The following NEGR1 variants were observed in gnomAD, a reference collection of about 807,000 sequenced individuals.
NEGR1 encodes neuronal growth regulator 1.
A neutral mutation model predicts 40.9 loss-of-function variants in NEGR1; 10 were observed. The ratio of observed to expected loss-of-function variants is 0.24; its 90% CI spans 0.15 to 0.42. The LOEUF is 0.42. Ranked by LOEUF, NEGR1 falls within the 10% of genes least tolerant of loss-of-function variation. NEGR1 has a pLI of 1.00. For missense variants in NEGR1, 352 were observed against 438.9 expected (o/e 0.80, Z 1.77); for synonymous variants, 185 against 166.8 (o/e 1.11, Z -0.84).
intron 3 of NEGR1, among the ~76,000 whole-genome samples, chr1:71,705,998 T>C (rs1008154079): frequency 1.3e-5 from 2 of 152,136 alleles, no homozygotes; most frequent in East Asian, 3.9e-4. Context: ...GAAAAACACT[T>C]TCATAAGAAC....
intron 1 of NEGR1, among the ~76,000 whole-genome samples, chr1:71,977,339 CAAAACAAAACA>C (rs1646314500): frequency 6.6e-6 from 1 of 151,754 alleles, no homozygotes; most frequent in South Asian, 2.1e-4. Flanking sequence ...AAAAACAAAA[CAAAACAAAACA>C]AAAACAAAAT....
chr1:72,050,285 A>T (rs1173520267), intron 1 of NEGR1, among the ~76,000 whole-genome samples: 1 of 151,578 alleles, frequency 6.6e-6, no homozygotes, highest in Non-Finnish European at 1.5e-5. Flanking sequence ...ACTGTTATTG[A>T]AAGGCATTTA....
At chr1:71,942,744 C>T (rs1421853057) in intron 1 of NEGR1, among the ~76,000 whole-genome samples, 4 of 145,358 alleles carry the variant, frequency 2.8e-5, no homozygotes, top group Admixed American at 6.9e-5. Context: ...CCTCGTGATC[C>T]GCCCGCCTCG....
chr1:71,698,069 T>C lies in NEGR1; in HGVS notation c.606A>G (p.Glu202=). 6.2e-7 allele frequency: 1 copy of C among 1,611,478 alleles called. No individual in the cohort carries two copies. Among genetic ancestry groups the C allele is most frequent in the Non-Finnish European group, 8.5e-7 (1 of 1,178,148 alleles). Residue 202 remains glutamate (E), a synonymous_variant, in exon 4 of 7, where the codon GAA becomes GAG. Coordinates refer to ENST00000357731, the MANE Select transcript of NEGR1 (RefSeq NM_173808.3). ...GITRDQAGEY[E]CSAENDVSFP... ...ATGACACATCATTTTCCGCACTGCA[T>C]TCATATTCCCCAGCCTGGTCCCTTG... is the stretch of plus-strand genomic sequence containing the variant.
chr1:72,176,399 C>T (rs537742953), intron 1 of NEGR1, among the ~76,000 whole-genome samples: 13 of 152,116 alleles, frequency 8.5e-5, no homozygotes, highest in Admixed American at 8.5e-4. Flanking sequence ...TAAGACTTTG[C>T]CATCAATATA....
In NEGR1 at chr1:71,855,425, AAATAGGC is replaced by A. The variant is rs1570435550; in HGVS notation, c.410-79135_410-79129del. On this transcript the variant is annotated intron_variant, in intron 2 of 6. Coordinates refer to ENST00000357731, the MANE Select transcript of NEGR1 (RefSeq NM_173808.3). ...GAAAAGCAGTTGATTTATGAAGCAG[AAATAGGC>A]AACTCAACTCTGGAGGAGGCTGCCA... Among the ~76,000 whole-genome samples the A allele has an allele frequency of 6.6e-5, 10 of 152,224 alleles. No individual in the cohort carries two copies. In the East Asian group the frequency reaches 1.9e-3, roughly 29 times the overall value.
intron 3 of NEGR1, among the ~76,000 whole-genome samples, chr1:71,746,756 G>T: frequency 6.8e-6 from 1 of 147,608 alleles, no homozygotes; most frequent in East Asian, 2.0e-4. Flanking sequence ...ACACACACAC[G>T]CGTACACACA....
chr1:72,149,213 C>T (rs902698695), intron 1 of NEGR1, among the ~76,000 whole-genome samples: 5 of 152,126 alleles, frequency 3.3e-5, no homozygotes, highest in Non-Finnish European at 4.4e-5. Flanking sequence ...AGCGGAAACC[C>T]CTGATAAACC....
chr1:71,458,121 T>C (rs532149218), intron 6 of NEGR1, among the ~76,000 whole-genome samples: 4 of 152,354 alleles, frequency 2.6e-5, no homozygotes, highest in Admixed American at 2.0e-4. Flanking sequence ...GTCCTTTTCC[T>C]TGTACCACAT....
rs547439106 is a variant in NEGR1, at chr1:71,629,787, A to C, written c.668-18641T>G. Among the ~76,000 whole-genome samples the C allele has an allele frequency of 2.0e-5, 3 of 152,138 alleles. No individual in the cohort carries two copies. The East Asian group carries it at 5.8e-4, about 29-fold the overall frequency. ...GTCTCAGGATACAAAATCAATGTGC[A>C]AAGATCACCTCTAGACTTTTTAAAA... On this transcript the variant is annotated intron_variant, in intron 4 of 6. Transcript: ENST00000357731.
At chr1:71,599,757 T>C (rs888318194) in intron 5 of NEGR1, among the ~76,000 whole-genome samples, 1 of 152,232 alleles carries the variant, frequency 6.6e-6, no homozygotes, top group Non-Finnish European at 1.5e-5. Context: ...TCAATTTTAA[T>C]GAAATTAATA....
intron 3 of NEGR1, among the ~76,000 whole-genome samples, chr1:71,703,878 T>A (rs939495558): frequency 3.4e-4 from 51 of 151,824 alleles, no homozygotes; most frequent in South Asian, 6.2e-4. Context: ...AGAAAAAATA[T>A]ATTAAGAAAT....
intron 1 of NEGR1, among the ~76,000 whole-genome samples, chr1:72,126,526 A>C (rs1319320536): frequency 6.6e-6 from 1 of 152,160 alleles, no homozygotes; most frequent in East Asian, 1.9e-4. Context: ...ATACTATGAC[A>C]CAAACGTAAA....
At chr1:71,952,112 T>C (rs746645654) in intron 1 of NEGR1, among the ~76,000 whole-genome samples, 2 of 151,834 alleles carry the variant, frequency 1.3e-5, no homozygotes, top group Non-Finnish European at 2.9e-5. Context: ...AATGTTCAAG[T>C]GAAAGGAAGA....
At chr1:72,028,273 G>A (rs555746123) in intron 1 of NEGR1, among the ~76,000 whole-genome samples, 1 of 152,180 alleles carries the variant, frequency 6.6e-6, no homozygotes, top group Admixed American at 6.5e-5. Flanking sequence ...CTTTCAAGTG[G>A]ACTCTGTGTC....
chr1:72,089,942 T>C (rs1288278474), intron 1 of NEGR1, among the ~76,000 whole-genome samples: 1 of 152,160 alleles, frequency 6.6e-6, no homozygotes, highest in Non-Finnish European at 1.5e-5. Flanking sequence ...TTATATTTTA[T>C]GAGCCTTTTA....
At chr1:71,591,212 T>A (rs1481190085) in intron 6 of NEGR1, among the ~76,000 whole-genome samples, 1 of 152,146 alleles carries the variant, frequency 6.6e-6, no homozygotes, top group Non-Finnish European at 1.5e-5. Context: ...CACCTCAGCA[T>A]ACAGCAAGTC....
At chr1:72,003,566 C>G (rs1165435063) in intron 1 of NEGR1, among the ~76,000 whole-genome samples, 1 of 151,848 alleles carries the variant, frequency 6.6e-6, no homozygotes, top group Non-Finnish European at 1.5e-5. Context: ...GAAAAAAAAG[C>G]TCTAAATGGA....
intron 1 of NEGR1, among the ~76,000 whole-genome samples, chr1:72,253,472 C>A (rs1490581067): frequency 1.3e-5 from 2 of 151,688 alleles, no homozygotes; most frequent in Admixed American, 6.6e-5. Flanking sequence ...ATCATTGCTT[C>A]AATATATTAT....
Sources: gnomAD v4.1 joint callset for allele counts (sites outside exome capture counted in the v4.1 genomes callset) on GRCh38, gnomAD v4.1.1 for gene constraint, MANE v1.5 for transcripts, NCBI Gene and HGNC (gene_info 2026-07-23, HGNC 2026-07-21) for gene names.